ANXA8: variants seen among roughly 807,000 people sequenced by gnomAD.
ANXA8 encodes the protein VAC-beta.
Under a neutral mutation model 26.8 loss-of-function variants are expected in ANXA8, and 9 were observed. The observed-to-expected ratio is 0.34, with a 90% confidence interval of 0.20 to 0.59. The LOEUF (loss-of-function observed/expected upper bound fraction) is 0.59, where lower values mean the gene tolerates loss of function less well. ANXA8 is among the 20% of genes least tolerant of loss of function. ANXA8 has a pLI of 0.84. For synonymous variants in ANXA8, 39 were observed against 94.8 expected (o/e 0.41, Z 3.42); for missense variants, 83 against 238.5 (o/e 0.35, Z 4.29).
rs1233016533 is a variant in ANXA8 at position 47,482,227 on chromosome 10, C to T, written c.21+1686G>A. On this transcript the variant is annotated intron_variant, in intron 1 of 11. Transcript: ENST00000585281. ...GTGAACTTGCTACCCCTAGCCAGCT[C>T]TCACATGGGGTATGGACGACCAGGG... 1.6e-5 allele frequency among the ~76,000 whole-genome samples: 2 copies of T among 128,994 alleles called. 1 individual carries two copies. The highest frequency in any genetic ancestry group is 6.8e-5 in the African/African-American group (2 of 29,368). The allele number at this position is 128,994 out of a possible 152,430, so 84.6% of individuals were successfully genotyped here.
At chr10:47,730,576 A>G in the ANXA8 span, 1 of 1,018,542 alleles carries the variant, frequency 9.8e-7, no homozygotes, top group South Asian at 1.6e-5. Flanking sequence ...AGATATATAA[A>G]TTAAAACTTT....
the ANXA8 span, among the ~76,000 whole-genome samples, chr10:47,971,162 C>A: frequency 6.6e-6 from 1 of 151,170 alleles, no homozygotes; most frequent in Admixed American, 6.6e-5. Context: ...CTTTATTTAA[C>A]TCCTTTTCTC....
the ANXA8 span, among the ~76,000 whole-genome samples, chr10:47,694,483 T>G: frequency 6.8e-6 from 1 of 147,478 alleles, no homozygotes; most frequent in African/African-American, 2.5e-5. Context: ...TGCAGTGGCG[T>G]GATCTCTGCT....
the ANXA8 span, among the ~76,000 whole-genome samples, chr10:47,600,208 C>T: frequency 6.7e-6 from 1 of 149,340 alleles, no homozygotes; most frequent in Non-Finnish European, 1.5e-5. Context: ...TAGGCTGGCT[C>T]GTAACCAAAA....
the ANXA8 span, among the ~76,000 whole-genome samples, chr10:47,572,545 G>A: frequency 5.3e-5 from 8 of 150,988 alleles, no homozygotes; most frequent in African/African-American, 9.8e-5. Flanking sequence ...GTGAAACCCC[G>A]TCTCCACTAA....
chr10:47,679,542 G>A, the ANXA8 span, among the ~76,000 whole-genome samples: 2 of 152,024 alleles, frequency 1.3e-5, no homozygotes, highest in African/African-American at 2.4e-5. Flanking sequence ...TTGAACTCAC[G>A]AGGTCAAGGC....
the ANXA8 span, among the ~76,000 whole-genome samples, chr10:47,695,818 G>A: frequency 6.6e-6 from 1 of 151,700 alleles, no homozygotes; most frequent in Non-Finnish European, 1.5e-5. Context: ...GGTATGTTTA[G>A]TTCTACCTGA....
the ANXA8 span, among the ~76,000 whole-genome samples, chr10:47,948,057 A>C: frequency 6.7e-6 from 1 of 150,294 alleles, no homozygotes; most frequent in South Asian, 2.1e-4. Context: ...GGAGTAAAGA[A>C]GCCCTAAATA....
At chr10:47,669,565 A>G in the ANXA8 span, among the ~76,000 whole-genome samples, 1 of 151,760 alleles carries the variant, frequency 6.6e-6, no homozygotes, top group Non-Finnish European at 1.5e-5. Context: ...CTATAGAAAA[A>G]TTAACCCGGT....
chr10:47,679,042 C>CAA, the ANXA8 span, among the ~76,000 whole-genome samples: 41 of 65,084 alleles, frequency 6.3e-4, no homozygotes, highest in African/African-American at 1.7e-3. Context: ...GAACCTATCT[C>CAA]AAAAAAAAAA....
the ANXA8 span, among the ~76,000 whole-genome samples, chr10:47,621,035 CT>C: frequency 9.4e-6 from 1 of 106,274 alleles, no homozygotes; most frequent in East Asian, 2.2e-4. Flanking sequence ...TTGTTAGCAA[CT>C]TTCCCATAAT....
the ANXA8 span, among the ~76,000 whole-genome samples, chr10:47,558,529 A>ATG: frequency 0.2 from 27,618 of 141,372 alleles, 2,523 homozygotes; most frequent in South Asian, 0.24. Context: ...GGGTTTTAAG[A>ATG]TGTGTGTGTG....
At chr10:47,976,994 C>T in the ANXA8 span, among the ~76,000 whole-genome samples, 1 of 85,234 alleles carries the variant, frequency 1.2e-5, no homozygotes, top group Non-Finnish European at 2.7e-5. Flanking sequence ...TACACATGTC[C>T]AAGACAGATC....
rs1158301698 is a variant in ANXA8 at position 47,484,006 on chromosome 10, G to T, written c.-73C>A. On this transcript the variant is annotated 5_prime_UTR_variant, in exon 1 of 12. Coordinates refer to ENST00000585281, the MANE Select transcript of ANXA8 (RefSeq NM_001040084.3). ...GTTGGCCTCTGCTGGGACTCCACAC[G>T]TCTGGCTCCTGCAGCTGAGGAGTGA... is the stretch of plus-strand genomic sequence containing the variant. The T allele has an allele frequency of 6.2e-7, 1 of 1,611,530 alleles. No individual in the cohort carries two copies. Among genetic ancestry groups the T allele is most frequent in the African/African-American group, 1.3e-5 (1 of 74,596 alleles).
At chr10:47,526,136 T>A in the ANXA8 span, among the ~76,000 whole-genome samples, 106 of 129,130 alleles carry the variant, frequency 8.2e-4, 10 homozygotes, top group Non-Finnish European at 1.4e-3. Context: ...AGACAGAGTC[T>A]CACTCTGTTG....
At chr10:47,948,781 A>G in the ANXA8 span, among the ~76,000 whole-genome samples, 3 of 151,084 alleles carry the variant, frequency 2.0e-5, no homozygotes, top group Non-Finnish European at 4.4e-5. Context: ...CAAAAGCAAG[A>G]TAAGCACAAA....
At chr10:47,579,481 C>T in the ANXA8 span, among the ~76,000 whole-genome samples, 1 of 58,798 alleles carries the variant, frequency 1.7e-5, no homozygotes, top group Admixed American at 1.9e-4. Flanking sequence ...CACTCTGTCC[C>T]CCAGGCTGAA....
At chr10:47,575,210 A>AG in the ANXA8 span, among the ~76,000 whole-genome samples, 17 of 119,056 alleles carry the variant, frequency 1.4e-4, no homozygotes, top group Non-Finnish European at 3.8e-5. Flanking sequence ...AAAAAAAAAA[A>AG]AAAAAAAAGA....
At chr10:47,664,348 A>T in the ANXA8 span, among the ~76,000 whole-genome samples, 1 of 152,084 alleles carries the variant, frequency 6.6e-6, no homozygotes. Flanking sequence ...ATTGCACTCC[A>T]GCCTGGGTGA....
Sources: allele counts gnomAD v4.1 joint callset (sites outside exome capture counted in the v4.1 genomes callset), GRCh38; gene constraint gnomAD v4.1.1; transcripts MANE v1.5; gene names NCBI Gene and HGNC (gene_info 2026-07-23, HGNC 2026-07-21).